The following TMEM132D variants were observed in gnomAD, a reference collection of about 807,000 sequenced individuals.
TMEM132D encodes the protein mature OL transmembrane protein.
A neutral mutation model predicts 62.3 loss-of-function variants in TMEM132D; 21 were observed. The ratio of observed to expected loss-of-function variants is 0.34; its 90% CI spans 0.24 to 0.49. The LOEUF is 0.49. Among genes scored for constraint, TMEM132D ranks in the 20% least tolerant of loss-of-function variants. TMEM132D has a pLI of 0.99. For synonymous variants in TMEM132D, 621 were observed against 575.6 expected (o/e 1.08, Z -1.13); for missense variants, 1,346 against 1,402.8 (o/e 0.96, Z 0.65).
chr12:129,743,637 G>C (rs969940388), intron 1 of TMEM132D, among the ~76,000 whole-genome samples: 1 of 152,112 alleles, frequency 6.6e-6, no homozygotes, highest in Non-Finnish European at 1.5e-5. Flanking sequence ...AAATATGCTC[G>C]TGCCCTAATC....
At chr12:129,301,351 G>A (rs1478796679) in intron 4 of TMEM132D, among the ~76,000 whole-genome samples, 1 of 151,922 alleles carries the variant, frequency 6.6e-6, no homozygotes, top group African/African-American at 2.4e-5. Flanking sequence ...GAGCTATGGG[G>A]GCTCAAAGCT....
intron 3 of TMEM132D, among the ~76,000 whole-genome samples, chr12:129,492,581 G>T (rs1378875171): frequency 9.9e-5 from 15 of 152,072 alleles, no homozygotes; most frequent in African/African-American, 2.4e-5. Flanking sequence ...TTGCTGCTTT[G>T]CTCATTAGAA....
intron 1 of TMEM132D, among the ~76,000 whole-genome samples, chr12:129,702,900 C>T (rs141067736): frequency 2.6e-5 from 4 of 152,336 alleles, no homozygotes; most frequent in African/African-American, 9.6e-5. Flanking sequence ...GTCCTCTTGG[C>T]TTCCATCACT....
chr12:129,151,163 C>T (rs1270805863), intron 5 of TMEM132D, among the ~76,000 whole-genome samples: 1 of 152,206 alleles, frequency 6.6e-6, no homozygotes, highest in Non-Finnish European at 1.5e-5. Context: ...TGTCCTAATG[C>T]AGGGCATGGA....
rs142054466 is a variant in TMEM132D, at chr12:129,790,382, T to C, written c.80-89684A>G. On this transcript the variant is annotated intron_variant, in intron 1 of 8. Transcript: ENST00000422113. ...GGTGACATGAACAAATTGGAGATGG[T>C]AAATGTGGGGGATTTTATTGCCAAT... 2.2e-3 allele frequency among the ~76,000 whole-genome samples: 339 copies of C among 152,268 alleles called. 1 individual carries two copies. The highest frequency in any genetic ancestry group is 7.1e-3 in the African/African-American group (294 of 41,546).
intron 1 of TMEM132D, among the ~76,000 whole-genome samples, chr12:129,789,696 T>G (rs1204074815): frequency 6.6e-6 from 1 of 152,132 alleles, no homozygotes. Flanking sequence ...ATGGATTAGG[T>G]CAGAGTCCAG....
chr12:129,335,770 C>T (rs1869250913), intron 4 of TMEM132D, among the ~76,000 whole-genome samples: 1 of 152,094 alleles, frequency 6.6e-6, no homozygotes, highest in South Asian at 2.1e-4. Flanking sequence ...ATCTTTCATG[C>T]TAAAAAAGTA....
chr12:129,406,660 TAC>T (rs1871800483), intron 3 of TMEM132D, among the ~76,000 whole-genome samples: 1 of 151,234 alleles, frequency 6.6e-6, no homozygotes, highest in Non-Finnish European at 1.5e-5. Flanking sequence ...GGTACACACA[TAC>T]ACACCATGTA....
intron 3 of TMEM132D, among the ~76,000 whole-genome samples, chr12:129,439,741 T>A (rs1872887139): frequency 6.6e-6 from 1 of 152,198 alleles, no homozygotes; most frequent in African/African-American, 2.4e-5. Context: ...CGTGAGCCAC[T>A]GTGACTGGCC....
chr12:129,107,326 A>C (rs956343765), intron 5 of TMEM132D, among the ~76,000 whole-genome samples: 2 of 152,254 alleles, frequency 1.3e-5, no homozygotes, highest in Admixed American at 6.5e-5. Context: ...TGTCACGTAC[A>C]TACAAGGTAA....
At chr12:129,642,338 G>T (rs1182398060) in intron 2 of TMEM132D, among the ~76,000 whole-genome samples, 2 of 152,246 alleles carry the variant, frequency 1.3e-5, no homozygotes. Flanking sequence ...GATAGGGTTA[G>T]CCCCAGGTAC....
intron 1 of TMEM132D, among the ~76,000 whole-genome samples, chr12:129,902,954 C>T (rs760247106): frequency 6.7e-4 from 102 of 152,294 alleles, no homozygotes; most frequent in Non-Finnish European, 2.6e-4. Flanking sequence ...AGGGTCCCCA[C>T]GCCCTCTCCC....
chr12:129,218,284 G>T (rs1210345335), intron 4 of TMEM132D, among the ~76,000 whole-genome samples: 1 of 152,162 alleles, frequency 6.6e-6, no homozygotes, highest in Non-Finnish European at 1.5e-5. Flanking sequence ...ACAGTTATGG[G>T]TCACTAAGGA....
intron 1 of TMEM132D, among the ~76,000 whole-genome samples, chr12:129,760,323 CTTTT>C (rs71082753): frequency 8.7e-6 from 1 of 115,494 alleles, no homozygotes; most frequent in South Asian, 3.1e-4. Flanking sequence ...AAGCCACTTT[CTTTT>C]TTTTTTTTTT....
chr12:129,612,852 C>T (rs1304160816), intron 2 of TMEM132D, among the ~76,000 whole-genome samples: 4 of 152,212 alleles, frequency 2.6e-5, no homozygotes, highest in Non-Finnish European at 4.4e-5. Flanking sequence ...GGCGACAGAG[C>T]GAGACTCCGT....
chr12:129,510,314 G>T (rs1875461148), intron 3 of TMEM132D, among the ~76,000 whole-genome samples: 2 of 152,140 alleles, frequency 1.3e-5, no homozygotes, highest in Non-Finnish European at 2.9e-5. Flanking sequence ...CAGATTATTA[G>T]ATTTTTTCCC....
At chr12:129,710,409 C>T (rs927611051) in intron 1 of TMEM132D, among the ~76,000 whole-genome samples, 2 of 152,108 alleles carry the variant, frequency 1.3e-5, no homozygotes, top group African/African-American at 2.4e-5. Context: ...GATTCTCCTG[C>T]CTCAGCCTCC....
chr12:129,760,722 G>A (rs918260357), intron 1 of TMEM132D, among the ~76,000 whole-genome samples: 33 of 151,350 alleles, frequency 2.2e-4, no homozygotes, highest in Admixed American at 3.9e-4. Flanking sequence ...GTATACATGT[G>A]CCATGGTGGT....
At chr12:129,897,341 T>C (rs371542099) in intron 1 of TMEM132D, among the ~76,000 whole-genome samples, 2 of 152,186 alleles carry the variant, frequency 1.3e-5, no homozygotes, top group Non-Finnish European at 2.9e-5. Flanking sequence ...TGTGTCTTCA[T>C]TCCGCATGCT....
Sources: allele counts gnomAD v4.1 joint callset (sites outside exome capture counted in the v4.1 genomes callset), GRCh38; gene constraint gnomAD v4.1.1; transcripts MANE v1.5; gene names NCBI Gene and HGNC (gene_info 2026-07-23, HGNC 2026-07-21).